Variants in PSD3 observed in about 807,000 individuals in gnomAD.
The protein encoded by PSD3 is pleckstrin and Sec7 domain containing 3.
Under a neutral mutation model 105.5 loss-of-function variants are expected in PSD3, and 49 were observed. That is an observed-to-expected ratio of 0.46 (90% CI 0.37 to 0.59). The LOEUF is 0.59. PSD3 is among the 20% of genes least tolerant of loss of function. PSD3 has a pLI of 0.00. For missense variants in PSD3, 1,561 were observed against 1,263.8 expected (o/e 1.24, Z -3.57); for synonymous variants, 557 against 457.8 (o/e 1.22, Z -2.77).
chr8:18,573,677 A>G (rs1218851153), intron 13 of PSD3, among the ~76,000 whole-genome samples: 1 of 152,242 alleles, frequency 6.6e-6, no homozygotes, highest in African/African-American at 2.4e-5. Context: ...GTTAAATAAA[A>G]GAAGCCAGAC....
intron 10 of PSD3, among the ~76,000 whole-genome samples, chr8:18,649,745 T>C (rs893629384): frequency 3.3e-5 from 5 of 152,200 alleles, no homozygotes; most frequent in African/African-American, 7.2e-5. Flanking sequence ...CGGTAAGTGA[T>C]TGGATCATGG....
chr8:19,066,464 C>T (rs1435962193), intron 1 of PSD3, among the ~76,000 whole-genome samples: 2 of 152,204 alleles, frequency 1.3e-5, no homozygotes, highest in Non-Finnish European at 2.9e-5. Context: ...AATAAATGCC[C>T]TCCCAAGTTT....
chr8:18,539,574 A>T (rs369859393), intron 15 of PSD3, among the ~76,000 whole-genome samples: 3 of 140,244 alleles, frequency 2.1e-5, no homozygotes, highest in African/African-American at 8.2e-5. Flanking sequence ...TTTGAGACGG[A>T]GTCTTGCTCT....
At chr8:18,878,813 T>C (rs1034946212) in intron 2 of PSD3, among the ~76,000 whole-genome samples, 2 of 152,182 alleles carry the variant, frequency 1.3e-5, no homozygotes, top group African/African-American at 4.8e-5. Context: ...ATAAGCATAA[T>C]GTTACTCACG....
At chr8:18,803,509 A>T (rs1810919139) in intron 6 of PSD3, among the ~76,000 whole-genome samples, 1 of 151,800 alleles carries the variant, frequency 6.6e-6, no homozygotes. Flanking sequence ...TGTTCACAGC[A>T]GCATTAATCA....
intron 9 of PSD3, among the ~76,000 whole-genome samples, chr8:18,679,840 A>G (rs79535791): frequency 0.017 from 2,564 of 152,300 alleles, 57 homozygotes; most frequent in South Asian, 0.1. Flanking sequence ...TTTCTTTGCT[A>G]TATCACTGAA....
intron 1 of PSD3, among the ~76,000 whole-genome samples, chr8:19,070,861 A>G (rs984869556): frequency 1.3e-5 from 2 of 152,166 alleles, no homozygotes; most frequent in African/African-American, 4.8e-5. Context: ...CAGATAATCA[A>G]TCTAGGTGTA....
chr8:18,677,890 G>C (rs80304593), intron 9 of PSD3, among the ~76,000 whole-genome samples: 3,410 of 151,872 alleles, frequency 0.022, 60 homozygotes, highest in Middle Eastern at 0.037. Context: ...GGTGCCTGTA[G>C]TCCCAGCTAC....
In PSD3 at chr8:18,531,321, G is replaced by A. The variant is rs919597299; in HGVS notation, c.*4422C>T. On this transcript the variant is annotated 3_prime_UTR_variant, in exon 16 of 16. Transcript: ENST00000327040. Reference sequence around the variant, plus strand: ...CTCTATGAAGACATTCTCTCTGCATGCAATGGGCCAATTATTGTCATAAGC... The same window carrying A: ...CTCTATGAAGACATTCTCTCTGCATACAATGGGCCAATTATTGTCATAAGC... 10 of 152,668 alleles carry A rather than the reference G, an allele frequency of 6.6e-5. No homozygotes were observed. Among genetic ancestry groups the A allele is most frequent in the African/African-American group, 1.9e-4 (8 of 41,456 alleles). 9.5% of individuals were successfully genotyped at this position (152,668 alleles called of 1,614,324 possible).
chr8:19,020,042 T>C (rs890009152), intron 1 of PSD3, among the ~76,000 whole-genome samples: 1 of 152,166 alleles, frequency 6.6e-6, no homozygotes, highest in Non-Finnish European at 1.5e-5. Flanking sequence ...AAGGTTCAGT[T>C]TATTTTTTAT....
intron 1 of PSD3, among the ~76,000 whole-genome samples, chr8:19,072,169 T>A (rs28455022): frequency 0.02 from 3,091 of 151,088 alleles, 106 homozygotes; most frequent in African/African-American, 0.071. Context: ...TGGCACGATC[T>A]CTGCTCACTG....
intron 9 of PSD3, among the ~76,000 whole-genome samples, chr8:18,715,498 C>G (rs971664701): frequency 1.3e-5 from 2 of 152,166 alleles, no homozygotes; most frequent in African/African-American, 4.8e-5. Flanking sequence ...TCTACAAACT[C>G]TAACTTAATG....
At chr8:19,030,127 A>G (rs1827711181) in intron 1 of PSD3, among the ~76,000 whole-genome samples, 1 of 152,152 alleles carries the variant, frequency 6.6e-6, no homozygotes, top group Non-Finnish European at 1.5e-5. Flanking sequence ...CCTTTTGTCG[A>G]GTTGAAGAAG....
chr8:18,952,626 T>C lies in PSD3; in HGVS notation c.22-16484A>G, dbSNP rs533920771. 5.3e-5 allele frequency among the ~76,000 whole-genome samples: 8 copies of C among 152,338 alleles called. No homozygotes were observed. The South Asian group carries it at 1.4e-3, about 28-fold the overall frequency. ...ACAAATGAATTAAATATACAAATTA[T>C]AGGACTGTTAGAATAACAGTTCCAT... On this transcript the variant is annotated intron_variant, in intron 1 of 15. Transcript: ENST00000327040.
intron 4 of PSD3, among the ~76,000 whole-genome samples, chr8:18,836,578 C>T (rs1198237802): frequency 2.0e-5 from 3 of 151,962 alleles, no homozygotes; most frequent in Non-Finnish European, 4.4e-5. Flanking sequence ...TACATTTGTC[C>T]CGCCATATCC....
At position 18,752,579 on chromosome 8, in the gene PSD3, ATATATAT is replaced by A. The variant is rs1490619013; in HGVS notation, c.2172+12863_2172+12869del. On this transcript the variant is annotated intron_variant, in intron 9 of 15. Coordinates refer to ENST00000327040, the MANE Select transcript of PSD3 (RefSeq NM_015310.4). The stretch of plus-strand genomic sequence containing the variant: ...AATTATATATATTATATATATAATT[ATATATAT>A]TATATATTATATATTATATATAATA... Among the ~76,000 whole-genome samples the A allele has an allele frequency of 2.4e-4, 18 of 75,934 alleles. 1 individual carries two copies. The highest frequency in any genetic ancestry group is 1.1e-3 in the African/African-American group (16 of 14,134). 49.8% of individuals were successfully genotyped at this position (75,934 alleles called of 152,430 possible).
At chr8:19,060,538 A>T (rs769032912) in intron 1 of PSD3, among the ~76,000 whole-genome samples, 5 of 152,134 alleles carry the variant, frequency 3.3e-5, no homozygotes, top group Non-Finnish European at 2.9e-5. Flanking sequence ...GGAGGCTGAG[A>T]CAGGAGGATT....
intron 1 of PSD3, among the ~76,000 whole-genome samples, chr8:18,962,294 G>A (rs2129471231): frequency 6.6e-6 from 1 of 152,124 alleles, no homozygotes; most frequent in Non-Finnish European, 1.5e-5. Context: ...AAATCTTGTT[G>A]TAGACTAAAG....
At chr8:18,646,395 A>G (rs968264587) in intron 10 of PSD3, among the ~76,000 whole-genome samples, 6 of 152,260 alleles carry the variant, frequency 3.9e-5, no homozygotes, top group Non-Finnish European at 8.8e-5. Context: ...TCATTGCAAA[A>G]AAAGGAAATT....
Sources: allele counts gnomAD v4.1 joint callset (sites outside exome capture counted in the v4.1 genomes callset), GRCh38; gene constraint gnomAD v4.1.1; transcripts MANE v1.5; gene names NCBI Gene and HGNC (gene_info 2026-07-23, HGNC 2026-07-21).